Variants in KRT9 observed in about 807,000 individuals in gnomAD.
The protein encoded by KRT9 is keratin 9.
KRT9 carries 34 observed loss-of-function variants against 51.4 expected under a neutral mutation model. That is an observed-to-expected ratio of 0.66 (90% CI 0.50 to 0.88). KRT9 has a LOEUF of 0.88. Ranked by LOEUF, KRT9 falls within the 40% of genes least tolerant of loss-of-function variation. KRT9 has a pLI of 0.00. For missense variants in KRT9, 753 were observed against 790.3 expected (o/e 0.95, Z 0.57); for synonymous variants, 292 against 289.7 (o/e 1.01, Z -0.08).
intron 2 of KRT9, 51 bp downstream of exon 2, chr17:41,570,087 G>A (rs751954899): frequency 3.7e-6 from 6 of 1,612,498 alleles, no homozygotes; most frequent in African/African-American, 2.7e-5. Flanking sequence ...GAGCACTGAG[G>A]TTCAGGGGTA....
rs116096066 is a variant in KRT9 at position 41,571,483 on chromosome 17, C to G, written c.510G>C (p.Lys170Asn). ...TGTTGGCCTCCTCTAGAGCCTGCAC[C>G]TTATCCAAGTAAGAGGCCAGCCGAG... Reference protein sequence around the residue: ...LNSRLASYLDKVQALEEANND... With the variant: ...LNSRLASYLDNVQALEEANND... The change falls in exon 1 of 8, where the codon AAG becomes AAC. Residue 170 changes from lysine (K) to asparagine (N), a missense_variant. Lys to Asn is a moderately conservative substitution (Grantham distance 94). Coordinates refer to ENST00000246662, the MANE Select transcript of KRT9 (RefSeq NM_000226.4). 6.2e-7 allele frequency: 1 copy of G among 1,613,968 alleles called. No homozygotes were observed.
At chr17:41,570,897 G>A (rs1393786897) in intron 1 of KRT9, among the ~76,000 whole-genome samples, 1 of 152,148 alleles carries the variant, frequency 6.6e-6, no homozygotes, top group African/African-American at 2.4e-5. Context: ...AAGGATGGAT[G>A]GATAGATAGC....
rs1458834516 is a variant in KRT9 at position 41,568,651 on chromosome 17, C to T, written c.1045-18G>A. ...TGGGTTATCTGCAAAACCAAAGGCT[C>T]AGTAAGCATCAGGCTGTGCCAGGAG... On this transcript the variant is annotated intron_variant, in intron 4 of 7. Coordinates refer to ENST00000246662, the MANE Select transcript of KRT9 (RefSeq NM_000226.4). 6.2e-7 allele frequency: 1 copy of T among 1,614,088 alleles called. No homozygotes were observed. The highest frequency in any genetic ancestry group is 1.7e-5 in the Admixed American group (1 of 60,024).
chr17:41,567,768 CAA>C lies in KRT9; in HGVS notation c.1395-20_1395-19del, dbSNP rs935023036. ...AGGATTCACTAAGAAAGAAAGAAAACAAGAGAGTTAAAATGAGCGGCCCCCAT... is the reference window on the plus strand; with the variant it reads ...AGGATTCACTAAGAAAGAAAGAAAACGAGAGTTAAAATGAGCGGCCCCCAT... On this transcript the variant is annotated intron_variant, in intron 6 of 7. Coordinates refer to ENST00000246662, the MANE Select transcript of KRT9 (RefSeq NM_000226.4). The C allele has an allele frequency of 1.6e-5, 26 of 1,613,918 alleles. No individual in the cohort carries two copies. The highest frequency in any genetic ancestry group is 1.8e-5 in the Non-Finnish European group (21 of 1,180,036).
intron 4 of KRT9, 44 bp downstream of exon 4, chr17:41,569,382 T>C (rs772030283): frequency 1.3e-6 from 2 of 1,589,544 alleles, no homozygotes; most frequent in Non-Finnish European, 1.7e-6. Flanking sequence ...GAGATAGGAA[T>C]AGATGGAGGG....
At position 41,568,218 on chromosome 17, in the gene KRT9, C is replaced by A. The variant is rs769329535; in HGVS notation, c.1338G>T (p.Arg446=). ...GGTAGGTCTCGATTTCCTTCTCCAG[C>A]CGCATCTTAATGCTGAGCAGAAGGC... The part of the protein sequence containing the change: ...EYSLLLSIKM[R]LEKEIETYHN... The change falls in exon 6 of 8, where the codon CGG becomes CGT. Residue 446 remains arginine (R), a synonymous_variant. Coordinates refer to ENST00000246662, the MANE Select transcript of KRT9 (RefSeq NM_000226.4). 3.7e-6 allele frequency: 6 copies of A among 1,614,090 alleles called. No homozygotes were observed. The South Asian group carries it at 6.6e-5, about 18-fold the overall frequency.
At position 41,572,031 on chromosome 17, in the gene KRT9, G is replaced by A. The variant is rs1239191065; in HGVS notation, c.-39C>T. Reference sequence around the variant, plus strand: ...GCTCACGGGTTGAGAAGCAGTGATAGGAGTGCTACCGGCTCCCAAGTGCAG... The same window carrying A: ...GCTCACGGGTTGAGAAGCAGTGATAAGAGTGCTACCGGCTCCCAAGTGCAG... On this transcript the variant is annotated 5_prime_UTR_variant, in exon 1 of 8. Coordinates refer to ENST00000246662, the MANE Select transcript of KRT9 (RefSeq NM_000226.4). 6.5e-7 allele frequency: 1 copy of A among 1,548,248 alleles called. No individual in the cohort carries two copies. Among genetic ancestry groups the A allele is most frequent in the Non-Finnish European group, 8.7e-7 (1 of 1,152,012 alleles).
rs1463057528 is a variant in KRT9 at position 41,570,222 on chromosome 17, T to G, written c.643-2A>C. ...GTTGCCCACTGTCAGGTCCACAATC[T>G]GAAAAAAAAAGGACACAGCCATGAT... On this transcript the variant is annotated splice_acceptor_variant, in intron 1 of 7. Transcript: ENST00000246662. LOFTEE classifies it high-confidence loss of function. 6.2e-7 allele frequency: 1 copy of G among 1,610,882 alleles called. No homozygotes were observed. Among genetic ancestry groups the G allele is most frequent in the Non-Finnish European group, 8.5e-7 (1 of 1,178,046 alleles).
In KRT9 at chr17:41,567,652, C is replaced by T. The variant is rs758348502; in HGVS notation, c.1493G>A (p.Gly498Asp). The change falls in exon 7 of 8, where the codon GGT becomes GAT. Residue 498 changes from glycine to aspartate, a missense_variant. Around this residue, in one of 3 missense-constraint regions of KRT9, gnomAD observed 507 missense variants for 563.7 expected, o/e 0.90. Coordinates refer to ENST00000246662, the MANE Select transcript of KRT9 (RefSeq NM_000226.4). Reference protein sequence around the residue: ...GSRGGSGGSYGGGGSGGGYGG... With the variant: ...GSRGGSGGSYDGGGSGGGYGG... ...ATAGCCACCTCCACTTCCTCCTCCA[C>T]CATAGCTGCCTCCACTTCCTCCCCT... The T allele has an allele frequency of 1.2e-6, 2 of 1,605,036 alleles. No homozygotes were observed.
rs777644069 is a variant in KRT9 at position 41,567,655 on chromosome 17, T to A, written c.1490A>T (p.Tyr497Phe). 3.1e-6 allele frequency: 5 copies of A among 1,606,440 alleles called. No homozygotes were observed. The East Asian group carries it at 1.1e-4, about 36-fold the overall frequency. ...RGSRGGSGGS[Y>F]GGGGSGGGYG... ...GCCACCTCCACTTCCTCCTCCACCA[T>A]AGCTGCCTCCACTTCCTCCCCTGGA... is the stretch of plus-strand genomic sequence containing the variant. The change falls in exon 7 of 8, where the codon TAT becomes TTT. Residue 497 changes from tyrosine to phenylalanine, a missense_variant. By Grantham distance (22) the Tyr-to-Phe change is conservative. Coordinates refer to ENST00000246662, the MANE Select transcript of KRT9 (RefSeq NM_000226.4).
Position 41,568,005 on chromosome 17 carries a change from T to G in KRT9, c.1394+157A>C, listed in dbSNP as rs576249965. The stretch of plus-strand genomic sequence containing the variant: ...CCATCCTCCTTTCCCAAAGCCCAAA[T>G]GCACTGAGGTCCCCCCGGCCCCCAG... On this transcript the variant is annotated intron_variant, in intron 6 of 7. Transcript: ENST00000246662. Among the ~76,000 whole-genome samples the G allele has an allele frequency of 6.6e-5, 10 of 152,110 alleles. No individual in the cohort carries two copies. The East Asian group carries it at 1.6e-3, about 24-fold the overall frequency.
chr17:41,571,975 G>A lies in KRT9; in HGVS notation c.18C>T (p.Phe6=). 2 of 1,584,328 alleles carry A rather than the reference G, an allele frequency of 1.3e-6. No homozygotes were observed. Among genetic ancestry groups the A allele is most frequent in the South Asian group, 1.1e-5 (1 of 87,322 alleles). The part of the protein sequence containing the change: MSCRQ[F]SSSYLSRSGG... ...CGCTGCGGCTCAAGTAGGACGAGGAGAACTGTCTGCAGCTCATGACACAGC... is the reference window on the plus strand; with the variant it reads ...CGCTGCGGCTCAAGTAGGACGAGGAAAACTGTCTGCAGCTCATGACACAGC... The change falls in exon 1 of 8, where the codon TTC becomes TTT. Residue 6 remains phenylalanine (F), a synonymous_variant. Coordinates refer to ENST00000246662, the MANE Select transcript of KRT9 (RefSeq NM_000226.4).
At chr17:41,566,300 G>A (rs1033975455) in intron 7 of KRT9, 148 bp from the exon 8 acceptor site, 5 of 153,020 alleles carry the variant, frequency 3.3e-5, no homozygotes, top group African/African-American at 1.2e-4. Flanking sequence ...AAGGACCCTG[G>A]GGTCTCCCAA....
In KRT9 at chr17:41,568,649, C is replaced by T. The variant is rs1175877251; in HGVS notation, c.1045-16G>A. The T allele has an allele frequency of 6.2e-7, 1 of 1,614,112 alleles. No homozygotes were observed. Among genetic ancestry groups the T allele is most frequent in the South Asian group, 1.1e-5 (1 of 91,070 alleles). ...TCTGGGTTATCTGCAAAACCAAAGG[C>T]TCAGTAAGCATCAGGCTGTGCCAGG... On this transcript the variant is annotated splice_polypyrimidine_tract_variant and intron_variant, in intron 4 of 7. Coordinates refer to ENST00000246662, the MANE Select transcript of KRT9 (RefSeq NM_000226.4).
rs1404055991 is a variant in KRT9 at position 41,571,546 on chromosome 17, C to G, written c.447G>C (p.Leu149=). ...GGAGGGDGGI[L]TANEKSTMQE... ...GCATGGTGCTCTTCTCATTAGCAGT[C>G]AGAATACCACCATCACCTCCTCCAG... Residue 149 remains leucine, a synonymous_variant, in exon 1 of 8, where the codon CTG becomes CTC. Transcript: ENST00000246662. 6.2e-7 allele frequency: 1 copy of G among 1,613,586 alleles called. No homozygotes were observed. The highest frequency in any genetic ancestry group is 1.3e-5 in the African/African-American group (1 of 74,778).
Position 41,567,361 on chromosome 17 carries a change from T to C in KRT9, c.1784A>G (p.Glu595Gly), listed in dbSNP as rs868300277. ...SHGGGSGFGG[E>G]SGGSYGGGEE... ...ACCGCCTCCGTAGCTGCCTCCACTT[T>C]CACCTCCAAAACCACTTCCTCCACC... is the stretch of plus-strand genomic sequence containing the variant. Residue 595 changes from glutamate to glycine, a missense_variant, in exon 7 of 8, where the codon GAA becomes GGA. By Grantham distance (98) the Glu-to-Gly change is moderately conservative (BLOSUM62 -2). This residue lies in a region of KRT9 where 507 missense variants were observed against 563.7 expected (regional missense o/e 0.90). Coordinates refer to ENST00000246662, the MANE Select transcript of KRT9 (RefSeq NM_000226.4). The C allele has an allele frequency of 6.2e-7, 1 of 1,611,886 alleles. No homozygotes were observed. The highest frequency in any genetic ancestry group is 1.1e-5 in the South Asian group (1 of 90,904).
At chr17:41,566,588 T>C (rs1906883200) in intron 7 of KRT9, among the ~76,000 whole-genome samples, 1 of 152,256 alleles carries the variant, frequency 6.6e-6, no homozygotes, top group South Asian at 2.1e-4. Context: ...TTCCCAGTTA[T>C]ATTACCCAGG....
In KRT9 at chr17:41,571,857, G is replaced by A. The variant is rs546893755; in HGVS notation, c.136C>T (p.Arg46Ter). ...SSSGGGGGGG[R>*]FSSSSGYGGG... ...CCATAGCCACTAGAAGAGCTGAATC[G>A]GCCCCCTCCTCCACCGCCCCCTGAG... is the stretch of plus-strand genomic sequence containing the variant. Residue 46 changes from arginine to a stop codon, truncating the protein, a stop_gained, in exon 1 of 8, where the codon CGA (arginine) becomes TGA (stop). Coordinates refer to ENST00000246662, the MANE Select transcript of KRT9 (RefSeq NM_000226.4). LOFTEE classifies it high-confidence loss of function. 30 of 1,611,472 alleles carry A rather than the reference G, an allele frequency of 1.9e-5. No homozygotes were observed. Among genetic ancestry groups the A allele is most frequent in the South Asian group, 8.8e-5 (8 of 90,856 alleles).
At chr17:41,568,016 C>T (rs1906935983) in intron 6 of KRT9, 146 bp downstream of exon 6, 2 of 921,842 alleles carry the variant, frequency 2.2e-6, no homozygotes, top group Non-Finnish European at 3.2e-6. Flanking sequence ...GCACTGAGGT[C>T]CCCCCGGCCC....
Sources: gnomAD v4.1 joint callset for allele counts (sites outside exome capture counted in the v4.1 genomes callset) on GRCh38, gnomAD v4.1.1 for gene constraint, gnomAD v4.1.1 regional missense constraint, MANE v1.5 for transcripts, NCBI Gene and HGNC (gene_info 2026-07-23, HGNC 2026-07-21) for gene names.